Variants in LAMA2 observed in about 807,000 individuals in gnomAD.
LAMA2 encodes the protein laminin subunit alpha-2.
In LAMA2, 269 loss-of-function variants were observed where a neutral mutation model predicts 364.8. That is an observed-to-expected ratio of 0.74 (90% CI 0.67 to 0.82). The LOEUF (loss-of-function observed/expected upper bound fraction) is 0.82. Ranked by LOEUF, LAMA2 falls within the 40% of genes least tolerant of loss-of-function variation. LAMA2 has a pLI of 0.00. For synonymous variants in LAMA2, 1,379 were observed against 1,370.6 expected (o/e 1.01, Z -0.14); for missense variants, 3,807 against 3,873.2 (o/e 0.98, Z 0.45).
intron 40 of LAMA2, among the ~76,000 whole-genome samples, chr6:129,412,361 G>A (rs902319510): frequency 5.9e-5 from 9 of 152,082 alleles, no homozygotes; most frequent in African/African-American, 1.2e-4. Flanking sequence ...TGACTGAAAC[G>A]TTAATCACAT....
rs751832504 is a variant in LAMA2, at chr6:129,154,606, G to A, written c.1129G>A (p.Val377Ile). 3.7e-6 allele frequency: 6 copies of A among 1,613,912 alleles called. No homozygotes were observed. In the South Asian group the frequency reaches 6.6e-5, roughly 18 times the overall value. The stretch of plus-strand genomic sequence containing the variant: ...ACGTGGAAAGTACATTGGAGGGGGT[G>A]TCTGCATTAATTGTACCCAAAACAC... ...NIRGKYIGGG[V>I]CINCTQNTAG... Residue 377 changes from valine (V) to isoleucine (I), a missense_variant, in exon 8 of 65, where the codon GTC (valine) becomes ATC (isoleucine). Val to Ile is a conservative substitution (Grantham distance 29, BLOSUM62 3). Coordinates refer to ENST00000421865, the MANE Select transcript of LAMA2 (RefSeq NM_000426.4).
chr6:129,400,456 GA>G (rs892457002), intron 37 of LAMA2, among the ~76,000 whole-genome samples: 42 of 152,082 alleles, frequency 2.8e-4, no homozygotes, highest in African/African-American at 8.9e-4. Context: ...ATTGTCTATA[GA>G]AAAAAACTAT....
At chr6:129,135,476 C>T (rs1777736751) in intron 4 of LAMA2, among the ~76,000 whole-genome samples, 1 of 152,182 alleles carries the variant, frequency 6.6e-6, no homozygotes, top group African/African-American at 2.4e-5. Context: ...TGAGTTCATA[C>T]ATACAGATCA....
chr6:129,372,643 A>G (rs1316914298), intron 34 of LAMA2, among the ~76,000 whole-genome samples: 1 of 152,224 alleles, frequency 6.6e-6, no homozygotes, highest in Non-Finnish European at 1.5e-5. Flanking sequence ...TTAAGTTTTC[A>G]ACCTATTTGG....
rs1157260409 is a variant in LAMA2 at position 129,330,596 on chromosome 6, TTG to T, written c.4311+2186_4311+2187del. ...GCGTTTTTTTGTTGTTGTTTGGTTTTTGTTTTTTTTTTTTTTTTTCCCACTGT... is the reference window on the plus strand; with the variant it reads ...GCGTTTTTTTGTTGTTGTTTGGTTTTTTTTTTTTTTTTTTTTTCCCACTGT... On this transcript the variant is annotated intron_variant, in intron 29 of 64. Coordinates refer to ENST00000421865, the MANE Select transcript of LAMA2 (RefSeq NM_000426.4). 6.5e-4 allele frequency among the ~76,000 whole-genome samples: 44 copies of T among 67,782 alleles called. 2 individuals carry two copies. The highest frequency in any genetic ancestry group is 1.7e-3 in the African/African-American group (30 of 18,032). 44.5% of individuals were successfully genotyped at this position (67,782 alleles called of 152,430 possible). A position where few individuals can be genotyped will look rare whatever the true frequency, so the allele number is the denominator to read the frequency against.
intron 4 of LAMA2, among the ~76,000 whole-genome samples, chr6:129,119,739 G>A (rs1239921362): frequency 6.6e-6 from 1 of 151,950 alleles, no homozygotes; most frequent in Non-Finnish European, 1.5e-5. Context: ...TAGTACAGAC[G>A]GGGTTTCACC....
intron 22 of LAMA2, among the ~76,000 whole-genome samples, chr6:129,308,028 C>A (rs1249390336): frequency 3.3e-5 from 5 of 152,190 alleles, no homozygotes; most frequent in South Asian, 2.1e-4. Flanking sequence ...AACATTTGAA[C>A]CTGGTCTAGA....
intron 1 of LAMA2, 85 bp from the exon 2 acceptor site, chr6:129,049,833 T>G: frequency 8.0e-7 from 1 of 1,256,498 alleles, no homozygotes; most frequent in Admixed American, 1.7e-5. Context: ...CTCCGAAAAA[T>G]ATTTTATCTC....
chr6:129,061,963 A>G (rs1788952916), intron 3 of LAMA2, among the ~76,000 whole-genome samples: 1 of 152,222 alleles, frequency 6.6e-6, no homozygotes, highest in African/African-American at 2.4e-5. Flanking sequence ...CTAAAAATGT[A>G]ATAAATCCTT....
intron 18 of LAMA2, among the ~76,000 whole-genome samples, chr6:129,282,607 A>G (rs1232175222): frequency 1.3e-5 from 2 of 151,994 alleles, no homozygotes; most frequent in Non-Finnish European, 2.9e-5. Context: ...AGTACTGAGT[A>G]TTTCACCCAA....
chr6:129,267,047 A>T, intron 15 of LAMA2, 59 bp from the exon 16 acceptor site: 1 of 1,104,802 alleles, frequency 9.1e-7, no homozygotes, highest in African/African-American at 1.5e-5. Flanking sequence ...ACACAAACAA[A>T]CAAAAACACC....
intron 1 of LAMA2, among the ~76,000 whole-genome samples, chr6:129,037,828 C>A (rs979526374): frequency 1.3e-5 from 2 of 152,072 alleles, no homozygotes; most frequent in African/African-American, 4.8e-5. Flanking sequence ...TGCCACCACA[C>A]CTGGCTAATT....
chr6:129,370,508 A>G (rs967673522), intron 34 of LAMA2, among the ~76,000 whole-genome samples: 1 of 152,250 alleles, frequency 6.6e-6, no homozygotes. Flanking sequence ...CAGGCTTTTT[A>G]AAGAATTGGA....
intron 3 of LAMA2, among the ~76,000 whole-genome samples, chr6:129,075,168 T>C (rs10457518): frequency 0.11 from 16,367 of 152,150 alleles, 900 homozygotes; most frequent in East Asian, 0.16. Flanking sequence ...CAGGAAGTGA[T>C]ATTTGAGCTG....
In LAMA2 at chr6:129,422,136, A is replaced by G. The variant is rs966011889; in HGVS notation, c.5866-5616A>G. On this transcript the variant is annotated intron_variant, in intron 40 of 64. Coordinates refer to ENST00000421865, the MANE Select transcript of LAMA2 (RefSeq NM_000426.4). ...CTGAAATACTCGCTCTCACATCCAC[A>G]CATCAAAAGTCCCTGCCTGCCTCCC... Among the ~76,000 whole-genome samples, 4 of 152,030 alleles carry G rather than the reference A, an allele frequency of 2.6e-5. 1 individual carries two copies. Among genetic ancestry groups the G allele is most frequent in the African/African-American group, 9.7e-5 (4 of 41,368 alleles).
At chr6:129,011,448 T>G (rs1318223121) in intron 1 of LAMA2, among the ~76,000 whole-genome samples, 2 of 152,326 alleles carry the variant, frequency 1.3e-5, no homozygotes, top group East Asian at 3.9e-4. Context: ...TGTGCCCATA[T>G]CCATGCCCTT....
At chr6:129,375,331 T>A (rs1324707399) in intron 34 of LAMA2, among the ~76,000 whole-genome samples, 2 of 152,180 alleles carry the variant, frequency 1.3e-5, no homozygotes, top group Admixed American at 6.5e-5. Context: ...TGATGATGAC[T>A]CTACTTACCT....
chr6:129,136,656 A>C (rs1342075263), intron 4 of LAMA2, among the ~76,000 whole-genome samples: 2 of 152,172 alleles, frequency 1.3e-5, no homozygotes, highest in African/African-American at 4.8e-5. Context: ...TCTTTAAAGA[A>C]AACTGATTTT....
chr6:129,089,897 G>A (rs764609667), intron 3 of LAMA2, among the ~76,000 whole-genome samples: 42 of 152,098 alleles, frequency 2.8e-4, no homozygotes, highest in Non-Finnish European at 2.8e-4. Flanking sequence ...ATGGGCCAAC[G>A]ATACCCTTTA....
Sources: allele counts gnomAD v4.1 joint callset (sites outside exome capture counted in the v4.1 genomes callset), GRCh38; gene constraint gnomAD v4.1.1; transcripts MANE v1.5; gene names NCBI Gene and HGNC (gene_info 2026-07-23, HGNC 2026-07-21).